Variants in AUTS2 observed in about 807,000 individuals in gnomAD.
AUTS2 encodes the protein activator of transcription and developmental regulator AUTS2, also known as autism susceptibility gene 2 protein.
In AUTS2, 17 loss-of-function variants were observed where a neutral mutation model predicts 112.4. That is an observed-to-expected ratio of 0.15 (90% CI 0.10 to 0.23). The LOEUF (loss-of-function observed/expected upper bound fraction) is 0.23, where lower values mean the gene tolerates loss of function less well. Among genes scored for constraint, AUTS2 ranks in the 10% least tolerant of loss-of-function variants. AUTS2 has a pLI of 1.00. For missense variants in AUTS2, 1,510 were observed against 1,701.6 expected (o/e 0.89, Z 1.98); for synonymous variants, 751 against 702.7 (o/e 1.07, Z -1.09).
intron 1 of AUTS2, among the ~76,000 whole-genome samples, chr7:69,877,044 A>G (rs1584379077): frequency 1.3e-5 from 2 of 152,196 alleles, no homozygotes; most frequent in South Asian, 4.1e-4. Flanking sequence ...GTTTCCCAAA[A>G]TGATCCGCTG....
chr7:69,886,889 C>G (rs184542315), intron 1 of AUTS2, among the ~76,000 whole-genome samples: 16 of 152,048 alleles, frequency 1.1e-4, no homozygotes, highest in Admixed American at 9.2e-4. Context: ...GTCCTCCTGC[C>G]TCAGCCTCCT....
At chr7:70,735,937 A>G (rs1787756737) in intron 6 of AUTS2, among the ~76,000 whole-genome samples, 1 of 152,178 alleles carries the variant, frequency 6.6e-6, no homozygotes, top group Non-Finnish European at 1.5e-5. Context: ...ATCAGTTGCA[A>G]TCAAAATCCT....
chr7:70,768,451 C>T (rs1300588136), intron 10 of AUTS2, among the ~76,000 whole-genome samples: 1 of 152,166 alleles, frequency 6.6e-6, no homozygotes, highest in Non-Finnish European at 1.5e-5. Context: ...TGAATTATTT[C>T]CTCTTAAATA....
rs529634056 is a variant in AUTS2 at position 70,369,255 on chromosome 7, A to G, written c.661-66497A>G. ...CTTTTATCAGTCATTCTGTAAATAC[A>G]TCTGCTGCTGGCCTAGCACTTTGGC... On this transcript the variant is annotated intron_variant, in intron 4 of 18. Coordinates refer to ENST00000342771, the MANE Select transcript of AUTS2 (RefSeq NM_015570.4). 1.3e-3 allele frequency among the ~76,000 whole-genome samples: 202 copies of G among 152,298 alleles called. 1 individual carries two copies. Among genetic ancestry groups the G allele is most frequent in the Non-Finnish European group, 3.5e-4 (24 of 68,024 alleles).
chr7:69,715,183 A>G (rs1798541065), intron 1 of AUTS2, among the ~76,000 whole-genome samples: 2 of 150,714 alleles, frequency 1.3e-5, no homozygotes, highest in East Asian at 3.9e-4. Context: ...AAAACAATTG[A>G]TACAGCTCCT....
intron 11 of AUTS2, among the ~76,000 whole-genome samples, chr7:70,771,978 CAT>C (rs1466223859): frequency 2.6e-5 from 4 of 152,184 alleles, no homozygotes; most frequent in African/African-American, 7.2e-5. Flanking sequence ...ATATCAGACA[CAT>C]GTGCGCCAGG....
chr7:69,773,498 CCCAAGCCTTTGGCTTGGGG>C (rs1217537817), intron 1 of AUTS2, among the ~76,000 whole-genome samples: 2 of 151,700 alleles, frequency 1.3e-5, no homozygotes. Context: ...AACCTTTTTC[CCCAAGCCTTTGGCTTGGGG>C]AAAGGGTGGG....
In AUTS2 at chr7:70,438,173, C is replaced by A. The variant is rs1236044680; in HGVS notation, c.690+2392C>A. 2.6e-5 allele frequency among the ~76,000 whole-genome samples: 4 copies of A among 152,056 alleles called. No homozygotes were observed. The East Asian group carries it at 7.7e-4, about 29-fold the overall frequency. ...CACCCCACCAGGTCCTTTCCCATCA[C>A]CTGAATTCCTGAGTAGTTATTGCCT... On this transcript the variant is annotated intron_variant, in intron 5 of 18. Transcript: ENST00000342771.
intron 4 of AUTS2, among the ~76,000 whole-genome samples, chr7:70,360,665 C>G (rs1792219879): frequency 6.6e-6 from 1 of 152,182 alleles, no homozygotes; most frequent in Non-Finnish European, 1.5e-5. Context: ...TTTCTGCTCT[C>G]TTTTCCTTAC....
At chr7:70,706,768 T>G (rs1352869063) in intron 6 of AUTS2, among the ~76,000 whole-genome samples, 1 of 152,210 alleles carries the variant, frequency 6.6e-6, no homozygotes, top group Non-Finnish European at 1.5e-5. Flanking sequence ...TGCCCCAGAG[T>G]GCAGAAATGA....
chr7:69,962,589 C>G (rs528504460), intron 2 of AUTS2, among the ~76,000 whole-genome samples: 1 of 152,196 alleles, frequency 6.6e-6, no homozygotes, highest in Non-Finnish European at 1.5e-5. Context: ...TTAAGCTAAA[C>G]GTCTGAGTTG....
intron 4 of AUTS2, among the ~76,000 whole-genome samples, chr7:70,158,296 C>T (rs1394043284): frequency 6.6e-6 from 1 of 152,074 alleles, no homozygotes; most frequent in African/African-American, 2.4e-5. Context: ...ATAGCTCACT[C>T]AGTTAGTTTT....
At chr7:69,760,562 G>A (rs944847070) in intron 1 of AUTS2, among the ~76,000 whole-genome samples, 4 of 152,084 alleles carry the variant, frequency 2.6e-5, no homozygotes, top group Non-Finnish European at 4.4e-5. Context: ...GGTGGCTCAC[G>A]CCTGTAATCC....
At chr7:70,164,616 C>A (rs964052241) in intron 4 of AUTS2, among the ~76,000 whole-genome samples, 1 of 152,140 alleles carries the variant, frequency 6.6e-6, no homozygotes, top group African/African-American at 2.4e-5. Flanking sequence ...AAGACTATGT[C>A]ACAGCAGTCT....
At chr7:70,478,597 G>T (rs1459353465) in intron 5 of AUTS2, among the ~76,000 whole-genome samples, 1 of 152,038 alleles carries the variant, frequency 6.6e-6, no homozygotes, top group African/African-American at 2.4e-5. Flanking sequence ...ACCTGTATAT[G>T]CAAATATGAT....
chr7:70,278,580 A>AACAT (rs59363161), intron 4 of AUTS2, among the ~76,000 whole-genome samples: 29,852 of 149,620 alleles, frequency 0.2, 3,323 homozygotes, highest in South Asian at 0.33. Context: ...GTCTCTCAAA[A>AACAT]ACATACATAC....
intron 1 of AUTS2, among the ~76,000 whole-genome samples, chr7:69,880,851 A>G (rs1219979530): frequency 1.3e-5 from 2 of 152,202 alleles, no homozygotes; most frequent in Non-Finnish European, 2.9e-5. Flanking sequence ...GCATTTAATT[A>G]AAGCCTGCAG....
chr7:70,509,809 G>A (rs1466755137), intron 5 of AUTS2, among the ~76,000 whole-genome samples: 2 of 152,166 alleles, frequency 1.3e-5, no homozygotes, highest in Non-Finnish European at 2.9e-5. Flanking sequence ...CTTCCTTGCT[G>A]ATAGCTTCCC....
chr7:69,709,524 C>T (rs539469950), intron 1 of AUTS2, among the ~76,000 whole-genome samples: 2 of 152,254 alleles, frequency 1.3e-5, no homozygotes, highest in African/African-American at 2.4e-5. Flanking sequence ...AGTTTGGATA[C>T]GTTTTAACCC....
Sources: gnomAD v4.1 joint callset for allele counts (sites outside exome capture counted in the v4.1 genomes callset) on GRCh38, gnomAD v4.1.1 for gene constraint, MANE v1.5 for transcripts, NCBI Gene and HGNC (gene_info 2026-07-23, HGNC 2026-07-21) for gene names.